ZNF804A: variants seen among roughly 807,000 people sequenced by gnomAD.
ZNF804A encodes zinc finger protein 804A.
In ZNF804A, 2 loss-of-function variants were observed where a neutral mutation model predicts 16.5. The ratio of observed to expected loss-of-function variants is 0.12; its 90% CI spans 0.05 to 0.38. ZNF804A has a LOEUF of 0.38. ZNF804A is among the 10% of genes least tolerant of loss of function. ZNF804A has a pLI of 0.99. For synonymous variants in ZNF804A, 534 were observed against 489.6 expected (o/e 1.09, Z -1.20); for missense variants, 1,473 against 1,390.7 (o/e 1.06, Z -0.94).
intron 2 of ZNF804A, among the ~76,000 whole-genome samples, chr2:184,907,334 T>C (rs961122948): frequency 2.0e-5 from 3 of 152,222 alleles, no homozygotes; most frequent in African/African-American, 7.2e-5. Flanking sequence ...ACTTGGAAAT[T>C]ACCTGTGATG....
chr2:184,686,301 C>T (rs1559126292), intron 1 of ZNF804A, among the ~76,000 whole-genome samples: 1 of 152,188 alleles, frequency 6.6e-6, no homozygotes, highest in Non-Finnish European at 1.5e-5. Flanking sequence ...TGCTGGCCCC[C>T]TGGAGCATGT....
intron 1 of ZNF804A, among the ~76,000 whole-genome samples, chr2:184,831,872 G>T (rs1034350534): frequency 6.6e-6 from 1 of 151,888 alleles, no homozygotes; most frequent in African/African-American, 2.4e-5. Flanking sequence ...ATAATGCCAG[G>T]AATATAAATG....
intron 1 of ZNF804A, among the ~76,000 whole-genome samples, chr2:184,645,500 T>C (rs1691856257): frequency 6.6e-6 from 1 of 152,214 alleles, no homozygotes; most frequent in Admixed American, 6.5e-5. Context: ...TATTCATTTA[T>C]TAGATATAGC....
In ZNF804A at chr2:184,790,215, GC is replaced by G. The variant is rs531806504; in HGVS notation, c.112-76153del. Among the ~76,000 whole-genome samples, 42 of 150,776 alleles carry G rather than the reference GC, an allele frequency of 2.8e-4. 2 individuals are homozygous for G. The East Asian group carries it at 8.0e-3, about 29-fold the overall frequency. On this transcript the variant is annotated intron_variant, in intron 1 of 3. Transcript: ENST00000302277. ...CTTGGTACAACTTCATGTTTTTTTT[GC>G]TTTTTTGTTTTTTTGTTTTTTTTTT... is the stretch of plus-strand genomic sequence containing the variant.
At chr2:184,638,959 A>C (rs1691747129) in intron 1 of ZNF804A, among the ~76,000 whole-genome samples, 1 of 151,416 alleles carries the variant, frequency 6.6e-6, no homozygotes, top group South Asian at 2.1e-4. Flanking sequence ...AGTTTATACT[A>C]TTTAAGTTGT....
At position 184,713,136 on chromosome 2, in the gene ZNF804A, C is replaced by G. The variant is rs533454600; in HGVS notation, c.111+114066C>G. Among the ~76,000 whole-genome samples the G allele has an allele frequency of 2.3e-3, 351 of 151,808 alleles. 1 individual carries two copies. Among genetic ancestry groups the G allele is most frequent in the African/African-American group, 7.8e-3 (324 of 41,472 alleles). ...ATATTTGAAGAAATAGCCACCTCTC[C>G]CAGTCTTTACAGACTGGCTTCAATA... On this transcript the variant is annotated intron_variant, in intron 1 of 3. Coordinates refer to ENST00000302277, the MANE Select transcript of ZNF804A (RefSeq NM_194250.2).
intron 2 of ZNF804A, among the ~76,000 whole-genome samples, chr2:184,883,462 A>G (rs893457245): frequency 2.0e-5 from 3 of 152,028 alleles, no homozygotes; most frequent in African/African-American, 4.8e-5. Flanking sequence ...CCTGGCAGAG[A>G]CACACACACA....
At chr2:184,900,120 G>T (rs1221116908) in intron 2 of ZNF804A, among the ~76,000 whole-genome samples, 2 of 152,122 alleles carry the variant, frequency 1.3e-5, no homozygotes, top group East Asian at 3.9e-4. Flanking sequence ...TGAATGTCCA[G>T]CCCAGTTTAA....
At chr2:184,639,731 G>A (rs553008006) in intron 1 of ZNF804A, among the ~76,000 whole-genome samples, 2 of 152,132 alleles carry the variant, frequency 1.3e-5, no homozygotes, top group South Asian at 4.1e-4. Flanking sequence ...GGCCGGGCGC[G>A]GTGGCTCAAG....
intron 1 of ZNF804A, among the ~76,000 whole-genome samples, chr2:184,799,017 A>G (rs1174180518): frequency 1.3e-5 from 2 of 151,866 alleles, no homozygotes; most frequent in African/African-American, 4.8e-5. Context: ...CGGTCTAGCC[A>G]CTCAGCAAGT....
intron 1 of ZNF804A, among the ~76,000 whole-genome samples, chr2:184,694,910 G>A (rs1202340298): frequency 6.6e-6 from 1 of 152,150 alleles, no homozygotes; most frequent in Admixed American, 6.5e-5. Context: ...GGGAAGTTCT[G>A]TTCCTATGGA....
intron 1 of ZNF804A, among the ~76,000 whole-genome samples, chr2:184,763,629 G>GCT (rs1694073613): frequency 1.7e-5 from 1 of 59,128 alleles, no homozygotes; most frequent in Non-Finnish European, 3.3e-5. Flanking sequence ...TCTTCAAAGT[G>GCT]CTTTTTTTTT....
intron 1 of ZNF804A, among the ~76,000 whole-genome samples, chr2:184,791,417 A>C (rs750128285): frequency 1.4e-4 from 21 of 152,172 alleles, no homozygotes; most frequent in Non-Finnish European, 2.2e-4. Flanking sequence ...TCATTTATGA[A>C]GTTTAGTTTG....
intron 1 of ZNF804A, among the ~76,000 whole-genome samples, chr2:184,800,891 T>A (rs1167976898): frequency 6.6e-6 from 1 of 152,064 alleles, no homozygotes; most frequent in African/African-American, 2.4e-5. Context: ...AAATATATCT[T>A]TTATATTTAT....
At chr2:184,804,594 T>A (rs1694775320) in intron 1 of ZNF804A, among the ~76,000 whole-genome samples, 1 of 152,092 alleles carries the variant, frequency 6.6e-6, no homozygotes, top group South Asian at 2.1e-4. Flanking sequence ...AGAAATAGAA[T>A]GGAGCAGAAA....
rs1693770993 is a variant in ZNF804A, at chr2:184,745,175, T to C, written c.112-121194T>C. On this transcript the variant is annotated intron_variant, in intron 1 of 3. Coordinates refer to ENST00000302277, the MANE Select transcript of ZNF804A (RefSeq NM_194250.2). ...AGCACAAAATAGATAATATGCACAA[T>C]GCCCAGTATTTACTCAAGAATAACA... 1.3e-5 allele frequency among the ~76,000 whole-genome samples: 2 copies of C among 151,832 alleles called. 1 individual carries two copies. The highest frequency in any genetic ancestry group is 4.1e-4 in the South Asian group (2 of 4,834).
chr2:184,722,691 C>A (rs1574180382), intron 1 of ZNF804A, among the ~76,000 whole-genome samples: 1 of 151,902 alleles, frequency 6.6e-6, no homozygotes. Context: ...GGTTTGTATA[C>A]CTGTAACTTT....
At chr2:184,812,501 T>C (rs1694917450) in intron 1 of ZNF804A, among the ~76,000 whole-genome samples, 1 of 152,202 alleles carries the variant, frequency 6.6e-6, no homozygotes, top group African/African-American at 2.4e-5. Context: ...TGTGTCAGAT[T>C]TGACCTTGGA....
intron 2 of ZNF804A, among the ~76,000 whole-genome samples, chr2:184,929,377 T>A (rs546611578): frequency 1.3e-5 from 2 of 152,294 alleles, no homozygotes; most frequent in East Asian, 3.9e-4. Context: ...TTTCATTCAT[T>A]TGTTTTTCAT....
Sources: gnomAD v4.1 joint callset for allele counts (sites outside exome capture counted in the v4.1 genomes callset) on GRCh38, gnomAD v4.1.1 for gene constraint, MANE v1.5 for transcripts, NCBI Gene and HGNC (gene_info 2026-07-23, HGNC 2026-07-21) for gene names.